Variants in PPP3CA observed in about 807,000 individuals in gnomAD.
PPP3CA encodes the protein protein phosphatase 3 catalytic subunit alpha.
A neutral mutation model predicts 66.5 loss-of-function variants in PPP3CA; 14 were observed. The observed-to-expected ratio is 0.21, with a 90% CI of 0.14 to 0.33. The LOEUF (loss-of-function observed/expected upper bound fraction) is 0.33, where lower values mean the gene tolerates loss of function less well. Among genes scored for constraint, PPP3CA ranks in the 10% least tolerant of loss-of-function variants. The pLI, the probability that PPP3CA is intolerant of heterozygous loss-of-function variation, is 1.00. For synonymous variants in PPP3CA, 232 were observed against 226.2 expected (o/e 1.03, Z -0.23); for missense variants, 317 against 639.5 (o/e 0.50, Z 5.44).
At chr4:101,336,570 TA>T (rs1381084582) in intron 1 of PPP3CA, among the ~76,000 whole-genome samples, 23 of 98,868 alleles carry the variant, frequency 2.3e-4, no homozygotes, top group Non-Finnish European at 3.4e-4. Flanking sequence ...GAAACTGTCT[TA>T]AAAAAAAAAT....
chr4:101,087,519 A>G (rs1439727198), intron 6 of PPP3CA, among the ~76,000 whole-genome samples: 1 of 152,108 alleles, frequency 6.6e-6, no homozygotes, highest in African/African-American at 2.4e-5. Flanking sequence ...TTATAGCATG[A>G]AAGATTAGTT....
At chr4:101,255,868 T>C (rs916458843) in intron 1 of PPP3CA, among the ~76,000 whole-genome samples, 1 of 151,932 alleles carries the variant, frequency 6.6e-6, no homozygotes, top group South Asian at 2.1e-4. Context: ...TTAATGTTAT[T>C]TTTTCACAAG....
chr4:101,101,058 G>A (rs775742283), intron 3 of PPP3CA, among the ~76,000 whole-genome samples: 2 of 152,058 alleles, frequency 1.3e-5, no homozygotes, highest in African/African-American at 4.8e-5. Flanking sequence ...AGGTAATTAT[G>A]ATTGAAATAA....
chr4:101,144,540 A>G (rs1578491040), intron 2 of PPP3CA, among the ~76,000 whole-genome samples: 1 of 152,140 alleles, frequency 6.6e-6, no homozygotes, highest in Admixed American at 6.5e-5. Flanking sequence ...TGTACCCACA[A>G]AGTTATTCAC....
At chr4:101,314,058 C>T (rs1313142825) in intron 1 of PPP3CA, among the ~76,000 whole-genome samples, 4 of 152,092 alleles carry the variant, frequency 2.6e-5, no homozygotes, top group South Asian at 4.1e-4. Flanking sequence ...GAAAATAGAA[C>T]GCATTTGCAA....
chr4:101,278,380 T>C (rs76820364), intron 1 of PPP3CA, among the ~76,000 whole-genome samples: 2 of 152,154 alleles, frequency 1.3e-5, no homozygotes, highest in Non-Finnish European at 2.9e-5. Flanking sequence ...CAGAATTAGG[T>C]CCATTAACTG....
rs540716299 is a variant in PPP3CA at position 101,270,737 on chromosome 4, T to C, written c.59-74621A>G. Among the ~76,000 whole-genome samples, 380 of 152,306 alleles carry C rather than the reference T, an allele frequency of 2.5e-3. 4 individuals carry two copies. Among genetic ancestry groups the C allele is most frequent in the African/African-American group, 8.6e-3 (356 of 41,576 alleles). Reference sequence around the variant, plus strand: ...TTAATTTACAGGTGGGCTAGTGAAGTCCTTGATGCCCTACATAAGACTTAA... The same window carrying C: ...TTAATTTACAGGTGGGCTAGTGAAGCCCTTGATGCCCTACATAAGACTTAA... On this transcript the variant is annotated intron_variant, in intron 1 of 13. Transcript: ENST00000394854.
chr4:101,185,736 G>A lies in PPP3CA; in HGVS notation c.259+10180C>T, dbSNP rs548162779. On this transcript the variant is annotated intron_variant, in intron 2 of 13. Coordinates refer to ENST00000394854, the MANE Select transcript of PPP3CA (RefSeq NM_000944.5). ...TCAATGGTTTATGGCCACCTTCCCT[G>A]CCTCATAAGACACTGGGCTCTGGAA... is the stretch of plus-strand genomic sequence containing the variant. Among the ~76,000 whole-genome samples the A allele has an allele frequency of 5.5e-4, 84 of 152,278 alleles. 1 individual carries two copies. The highest frequency in any genetic ancestry group is 1.9e-3 in the African/African-American group (81 of 41,564).
chr4:101,230,730 A>G (rs1170065548), intron 1 of PPP3CA, among the ~76,000 whole-genome samples: 1 of 151,644 alleles, frequency 6.6e-6, no homozygotes, highest in Non-Finnish European at 1.5e-5. Flanking sequence ...GGTAAAGTCT[A>G]AATTACATAT....
chr4:101,314,672 T>C (rs1256444464), intron 1 of PPP3CA, among the ~76,000 whole-genome samples: 1 of 150,644 alleles, frequency 6.6e-6, no homozygotes, highest in African/African-American at 2.4e-5. Context: ...TCTCACTCCA[T>C]CTGATCTTAA....
chr4:101,265,195 C>A (rs923139757), intron 1 of PPP3CA, among the ~76,000 whole-genome samples: 1 of 152,206 alleles, frequency 6.6e-6, no homozygotes, highest in African/African-American at 2.4e-5. Context: ...GGGCTCACTG[C>A]AGCCTTGACC....
intron 13 of PPP3CA, 129 bp from the exon 14 acceptor site, chr4:101,026,190 C>G (rs942155299): frequency 1.4e-6 from 1 of 726,146 alleles, no homozygotes; most frequent in Non-Finnish European, 2.2e-6. Flanking sequence ...AACAAAGTGA[C>G]GGGACCTGCA....
At chr4:101,168,846 G>C (rs1334235703) in intron 2 of PPP3CA, among the ~76,000 whole-genome samples, 3 of 152,086 alleles carry the variant, frequency 2.0e-5, no homozygotes, top group Non-Finnish European at 4.4e-5. Flanking sequence ...TATTATATCA[G>C]AAATTTACAC....
At chr4:101,150,081 T>C (rs1382210421) in intron 2 of PPP3CA, among the ~76,000 whole-genome samples, 1 of 152,106 alleles carries the variant, frequency 6.6e-6, no homozygotes, top group Non-Finnish European at 1.5e-5. Context: ...CACACTAATA[T>C]TTTGAGTAGA....
At chr4:101,052,928 C>T (rs536565026) in intron 10 of PPP3CA, among the ~76,000 whole-genome samples, 1 of 152,074 alleles carries the variant, frequency 6.6e-6, no homozygotes, top group African/African-American at 2.4e-5. Flanking sequence ...ATTCCTGCTG[C>T]CTCCCCTAAA....
At chr4:101,181,592 G>T (rs1397142428) in intron 2 of PPP3CA, among the ~76,000 whole-genome samples, 1 of 151,956 alleles carries the variant, frequency 6.6e-6, no homozygotes. Flanking sequence ...CTAAAAGCAG[G>T]ATTTGATAAA....
At chr4:101,128,527 G>C (rs1423263558) in intron 2 of PPP3CA, among the ~76,000 whole-genome samples, 1 of 151,814 alleles carries the variant, frequency 6.6e-6, no homozygotes, top group African/African-American at 2.4e-5. Flanking sequence ...GGTGATTTCT[G>C]CATTTCCAAC....
chr4:101,194,650 T>G (rs980218065), intron 2 of PPP3CA, among the ~76,000 whole-genome samples: 1 of 152,054 alleles, frequency 6.6e-6, no homozygotes, highest in Non-Finnish European at 1.5e-5. Flanking sequence ...CACTGCACCC[T>G]CTACCTCCTG....
chr4:101,318,929 C>T (rs1728959068), intron 1 of PPP3CA, among the ~76,000 whole-genome samples: 1 of 152,068 alleles, frequency 6.6e-6, no homozygotes, highest in Non-Finnish European at 1.5e-5. Flanking sequence ...GAGATTCCCA[C>T]TTCTTTCAAA....
Sources: gnomAD v4.1 joint callset for allele counts (sites outside exome capture counted in the v4.1 genomes callset) on GRCh38, gnomAD v4.1.1 for gene constraint, MANE v1.5 for transcripts, NCBI Gene and HGNC (gene_info 2026-07-23, HGNC 2026-07-21) for gene names.